PSPC1: variants seen among roughly 807,000 people sequenced by gnomAD.
PSPC1 encodes the protein paraspeckle protein 1.
A neutral mutation model predicts 51.6 loss-of-function variants in PSPC1; 14 were observed. That is an observed-to-expected ratio of 0.27 (90% CI 0.18 to 0.42). The LOEUF is 0.42. Ranked by LOEUF, PSPC1 falls within the 10% of genes least tolerant of loss-of-function variation. The pLI is 1.00. For missense variants in PSPC1, 406 were observed against 701.1 expected (o/e 0.58, Z 4.75); for synonymous variants, 193 against 231.9 (o/e 0.83, Z 1.53).
intron 6 of PSPC1, among the ~76,000 whole-genome samples, chr13:19,712,255 A>T (rs1202632796): frequency 6.6e-6 from 1 of 152,200 alleles, no homozygotes; most frequent in East Asian, 1.9e-4. Flanking sequence ...AAGGTTAGGA[A>T]TTCAATATCT....
At chr13:19,733,588 C>A (rs1413784632) in intron 5 of PSPC1, among the ~76,000 whole-genome samples, 1 of 151,888 alleles carries the variant, frequency 6.6e-6, no homozygotes, top group Non-Finnish European at 1.5e-5. Context: ...TGGTAAAACC[C>A]CATCTCTACT....
downstream of PSPC1, chr13:19,671,345 C>T: frequency 6.7e-7 from 1 of 1,498,454 alleles, no homozygotes; most frequent in Non-Finnish European, 9.3e-7. Flanking sequence ...CTCCAGATTA[C>T]TTTATCAACA....
At chr13:19,778,135 C>G (rs7330584) in intron 1 of PSPC1, among the ~76,000 whole-genome samples, 103,416 of 149,876 alleles carry the variant, frequency 0.69, 37,969 homozygotes, top group East Asian at 0.89. Flanking sequence ...CCAGCTACTC[C>G]AGAGGCTGAG....
At chr13:19,738,617 TGAC>T (rs1885095780) in intron 5 of PSPC1, among the ~76,000 whole-genome samples, 1 of 152,136 alleles carries the variant, frequency 6.6e-6, no homozygotes, top group African/African-American at 2.4e-5. Flanking sequence ...GTTTAGAGAA[TGAC>T]AAGTTAGCCG....
intron 5 of PSPC1, among the ~76,000 whole-genome samples, chr13:19,735,367 G>T (rs1048809284): frequency 2.0e-5 from 3 of 152,074 alleles, no homozygotes; most frequent in Non-Finnish European, 4.4e-5. Context: ...GGAAAGAGAA[G>T]GAATGAAGGA....
intron 5 of PSPC1, 94 bp from the exon 6 acceptor site, chr13:19,730,438 ATAT>A: frequency 8.8e-7 from 1 of 1,135,828 alleles, no homozygotes; most frequent in South Asian, 1.3e-5. Flanking sequence ...TTATGCAATC[ATAT>A]TATGCCAAAC....
chr13:19,741,485 T>TA (rs1822814877), intron 5 of PSPC1, 80 bp downstream of exon 5: 1 of 1,018,946 alleles, frequency 9.8e-7, no homozygotes, highest in Non-Finnish European at 1.5e-6. Context: ...ATACTCAACT[T>TA]ATACAACTTG....
intron 6 of PSPC1, among the ~76,000 whole-genome samples, chr13:19,681,454 CATAAT>C (rs1000586791): frequency 6.6e-6 from 1 of 151,944 alleles, no homozygotes; most frequent in African/African-American, 2.4e-5. Context: ...ATAAAATACA[CATAAT>C]ATATGATCTA....
chr13:19,704,479 C>G (rs1458703078), intron 8 of PSPC1, among the ~76,000 whole-genome samples: 2 of 152,294 alleles, frequency 1.3e-5, no homozygotes, highest in Admixed American at 1.3e-4. Flanking sequence ...CAACTGATGA[C>G]AGGTCTGAGT....
At chr13:19,686,436 T>C (rs1877889531) in intron 6 of PSPC1, among the ~76,000 whole-genome samples, 1 of 152,162 alleles carries the variant, frequency 6.6e-6, no homozygotes, top group Non-Finnish European at 1.5e-5. Flanking sequence ...AAAGGCCTTC[T>C]GTGGAGGAAG....
intron 6 of PSPC1, among the ~76,000 whole-genome samples, chr13:19,711,099 G>A (rs534529217): frequency 7.9e-5 from 12 of 152,200 alleles, no homozygotes; most frequent in South Asian, 2.1e-4. Context: ...CCTCACGCTC[G>A]CAATGTGCTG....
At chr13:19,748,475 T>C (rs9551993) in intron 4 of PSPC1, among the ~76,000 whole-genome samples, 2 of 152,088 alleles carry the variant, frequency 1.3e-5, no homozygotes, top group African/African-American at 4.8e-5. Context: ...ACAAAAAAAC[T>C]CATGGGAAAT....
chr13:19,713,649 A>T (rs766191975), intron 6 of PSPC1, among the ~76,000 whole-genome samples: 30 of 151,892 alleles, frequency 2.0e-4, no homozygotes, highest in Non-Finnish European at 3.8e-4. Context: ...CTTTCCATGG[A>T]AAGAATTATA....
At chr13:19,731,980 G>T (rs550000073) in intron 5 of PSPC1, among the ~76,000 whole-genome samples, 3 of 152,012 alleles carry the variant, frequency 2.0e-5, no homozygotes, top group Non-Finnish European at 2.9e-5. Flanking sequence ...CTCTTATAAC[G>T]TACTTTTCCT....
downstream of PSPC1, among the ~76,000 whole-genome samples, chr13:19,674,210 G>A (rs1249187383): frequency 2.0e-5 from 3 of 152,194 alleles, no homozygotes; most frequent in African/African-American, 4.8e-5. Context: ...CTAGTTGACT[G>A]TAATGGCTGT....
chr13:19,754,597 G>A (rs565202342), intron 3 of PSPC1, among the ~76,000 whole-genome samples: 5 of 148,872 alleles, frequency 3.4e-5, no homozygotes, highest in African/African-American at 7.4e-5. Context: ...ACGCCACCAC[G>A]TCTGGCTAAT....
At chr13:19,748,654 G>C (rs1429997315) in intron 4 of PSPC1, among the ~76,000 whole-genome samples, 1 of 151,862 alleles carries the variant, frequency 6.6e-6, no homozygotes, top group African/African-American at 2.4e-5. Context: ...ATTAGTGAAT[G>C]TTATACCACT....
In PSPC1 at chr13:19,702,593, G is replaced by C. The variant is rs1266066173; in HGVS notation, c.*582C>G. 6.6e-6 allele frequency: 1 copy of C among 152,236 alleles called. No homozygotes were observed. 9.4% of individuals were successfully genotyped at this position (152,236 alleles called of 1,614,324 possible). ...TCTCAGAATACCTGAATATTCAGAA[G>C]CTATATGAAATGTAGCTGGAAATTC... On this transcript the variant is annotated 3_prime_UTR_variant, in exon 9 of 9. Transcript: ENST00000338910.
intron 5 of PSPC1, among the ~76,000 whole-genome samples, chr13:19,737,726 C>T (rs1053229855): frequency 3.3e-5 from 5 of 152,112 alleles, no homozygotes; most frequent in African/African-American, 1.2e-4. Context: ...TATTAAAGAT[C>T]GAGGCACCAG....
Sources: allele counts gnomAD v4.1 joint callset (sites outside exome capture counted in the v4.1 genomes callset), GRCh38; gene constraint gnomAD v4.1.1; transcripts MANE v1.5; gene names NCBI Gene and HGNC (gene_info 2026-07-23, HGNC 2026-07-21).